Variants in EYS observed in about 807,000 individuals in gnomAD.
EYS encodes the protein EGF-like photoreceptor maintenance factor, also known as protein eyes shut homolog.
EYS carries 250 observed loss-of-function variants against 282.1 expected under a neutral mutation model. That is an observed-to-expected ratio of 0.89 (90% CI 0.80 to 0.98). The LOEUF is 0.98. EYS is among the 50% of genes least tolerant of loss of function. The pLI, the probability that EYS is intolerant of heterozygous loss-of-function variation, is 0.00. For synonymous variants in EYS, 1,355 were observed against 1,282.9 expected (o/e 1.06, Z -1.20); for missense variants, 4,016 against 3,709.0 (o/e 1.08, Z -2.15).
intron 12 of EYS, among the ~76,000 whole-genome samples, chr6:65,285,089 C>T (rs527704984): frequency 6.6e-6 from 1 of 151,822 alleles, no homozygotes; most frequent in African/African-American, 2.4e-5. Flanking sequence ...GTAATGGAAG[C>T]TTTCAAAGTG....
Position 64,614,854 on chromosome 6 carries a change from G to A in EYS, c.3684+2564C>T, listed in dbSNP as rs976341401. ...GTTCAAAATACCATTTCTACTGAAC[G>A]TATGTCACTCTCGTACAATCATAAA... On this transcript the variant is annotated intron_variant, in intron 24 of 42. Transcript: ENST00000503581. Among the ~76,000 whole-genome samples, 7 of 152,180 alleles carry A rather than the reference G, an allele frequency of 4.6e-5. 1 individual carries two copies. Among genetic ancestry groups the A allele is most frequent in the Admixed American group, 1.3e-4 (2 of 15,258 alleles).
At chr6:65,332,586 G>C (rs142494323) in intron 11 of EYS, among the ~76,000 whole-genome samples, 1 of 151,350 alleles carries the variant, frequency 6.6e-6, no homozygotes, top group African/African-American at 2.4e-5. Flanking sequence ...TGAAAACATA[G>C]ATTTGCCTAT....
rs534026251 is a variant in EYS at position 65,494,219 on chromosome 6, CA to C, written c.748+443del. 7.2e-4 allele frequency among the ~76,000 whole-genome samples: 109 copies of C among 151,918 alleles called. 2 individuals are homozygous for C. Among genetic ancestry groups the C allele is most frequent in the African/African-American group, 2.6e-3 (108 of 41,504 alleles). On this transcript the variant is annotated intron_variant, in intron 4 of 42. Coordinates refer to ENST00000503581, the MANE Select transcript of EYS (RefSeq NM_001142800.2). The stretch of plus-strand genomic sequence containing the variant: ...TATATGTCCAGAATCTATATCCAGC[CA>C]AATCCAAGGAATCTATTAAATTTTT...
rs1226484233 is a variant in EYS at position 64,303,757 on chromosome 6, C to T, written c.6191+3213G>A. On this transcript the variant is annotated intron_variant, in intron 30 of 42. Transcript: ENST00000503581. Reference sequence around the variant, plus strand: ...ACGGGAGGCTGAGGCAGGAGAATGGCGTGAACCCGGGAGGCGGAGCTTGCA... The same window carrying T: ...ACGGGAGGCTGAGGCAGGAGAATGGTGTGAACCCGGGAGGCGGAGCTTGCA... Among the ~76,000 whole-genome samples, 10 of 143,110 alleles carry T rather than the reference C, an allele frequency of 7.0e-5. 1 individual carries two copies. In the South Asian group the frequency reaches 9.5e-4, roughly 14 times the overall value. The allele number at this position is 143,110 out of a possible 152,430, so 93.9% of individuals were successfully genotyped here.
At chr6:64,492,249 A>C (rs887922181) in intron 26 of EYS, among the ~76,000 whole-genome samples, 11 of 151,258 alleles carry the variant, frequency 7.3e-5, no homozygotes, top group African/African-American at 2.2e-4. Flanking sequence ...AAATAGGATC[A>C]ATGTCTGAAG....
At chr6:65,582,121 A>G (rs354354) in intron 2 of EYS, among the ~76,000 whole-genome samples, 41,515 of 151,320 alleles carry the variant, frequency 0.27, 5,985 homozygotes, top group Middle Eastern at 0.41. Context: ...GCTTGAACCC[A>G]GGAGGCGGAG....
chr6:65,162,909 GTT>G (rs146458293), intron 12 of EYS, among the ~76,000 whole-genome samples: 27 of 75,358 alleles, frequency 3.6e-4, no homozygotes, highest in Non-Finnish European at 6.7e-4. Flanking sequence ...CTCCTGTTCT[GTT>G]TGTGTGTGTG....
intron 5 of EYS, among the ~76,000 whole-genome samples, chr6:65,469,106 G>T (rs191138356): frequency 1.3e-5 from 2 of 151,902 alleles, no homozygotes; most frequent in African/African-American, 2.4e-5. Context: ...TTCAGTATAA[G>T]TATTTCCCAT....
chr6:64,974,581 A>G (rs572009910), intron 14 of EYS, among the ~76,000 whole-genome samples: 1 of 151,954 alleles, frequency 6.6e-6, no homozygotes, highest in East Asian at 1.9e-4. Context: ...CAAATGTCAA[A>G]AATTTGGGGG....
At chr6:64,917,309 GACTAAGCATTCT>G (rs1247493253) in intron 15 of EYS, among the ~76,000 whole-genome samples, 1 of 150,958 alleles carries the variant, frequency 6.6e-6, no homozygotes, top group Admixed American at 6.6e-5. Context: ...AATTTCTAAT[GACTAAGCATTCT>G]ATATGTTTAC....
chr6:64,422,318 G>A (rs1774263303), intron 28 of EYS, among the ~76,000 whole-genome samples: 1 of 152,212 alleles, frequency 6.6e-6, no homozygotes, highest in African/African-American at 2.4e-5. Flanking sequence ...TAAGTGTGGG[G>A]CATCTGTGCA....
intron 31 of EYS, among the ~76,000 whole-genome samples, chr6:64,148,560 T>C (rs921399720): frequency 6.6e-6 from 1 of 152,160 alleles, no homozygotes; most frequent in Non-Finnish European, 1.5e-5. Context: ...ATCAATCAAA[T>C]ATTCCATCAA....
At chr6:65,670,499 T>C (rs1253532745) in intron 1 of EYS, among the ~76,000 whole-genome samples, 1 of 152,116 alleles carries the variant, frequency 6.6e-6, no homozygotes, top group African/African-American at 2.4e-5. Flanking sequence ...GCCAGGACCA[T>C]GACTGATACA....
At chr6:65,456,356 G>C (rs1033753356) in intron 5 of EYS, among the ~76,000 whole-genome samples, 1 of 151,594 alleles carries the variant, frequency 6.6e-6, no homozygotes, top group Non-Finnish European at 1.5e-5. Context: ...AGGCTGAGGC[G>C]GGAGAACCAC....
rs561195469 is a variant in EYS, at chr6:63,956,749, T to C, written c.7055+27634A>G. On this transcript the variant is annotated intron_variant, in intron 35 of 42. Coordinates refer to ENST00000503581, the MANE Select transcript of EYS (RefSeq NM_001142800.2). ...CTGCAAAACTTGCCTTGTCTGCAAG[T>C]TTAACACGTATTTCCCACACATACT... is the stretch of plus-strand genomic sequence containing the variant. Among the ~76,000 whole-genome samples, 10 of 152,330 alleles carry C rather than the reference T, an allele frequency of 6.6e-5. No individual in the cohort carries two copies. The South Asian group carries it at 2.1e-3, about 32-fold the overall frequency.
intron 35 of EYS, among the ~76,000 whole-genome samples, chr6:63,952,210 A>G (rs2149766753): frequency 6.6e-6 from 1 of 152,368 alleles, no homozygotes; most frequent in Middle Eastern, 3.4e-3. Flanking sequence ...TGGGCCAAGG[A>G]ATGCCCACAG....
Position 64,603,861 on chromosome 6 carries a change from C to CTGTGTGTGTGTGTGTG in EYS, c.3685-10568_3685-10553dup, listed in dbSNP as rs34430318. 7.7e-4 allele frequency among the ~76,000 whole-genome samples: 114 copies of CTGTGTGTGTGTGTGTG among 148,282 alleles called. 1 individual carries two copies. The highest frequency in any genetic ancestry group is 2.7e-3 in the African/African-American group (108 of 40,702). On this transcript the variant is annotated intron_variant, in intron 24 of 42. Transcript: ENST00000503581. ...GTATACTACTAAAGTAAATGAATAC[C>CTGTGTGTGTGTGTGTG]TGTGTGTGTGTGTGTGTGTGTGTGT...
chr6:64,823,289 T>A (rs1764953282), intron 19 of EYS, among the ~76,000 whole-genome samples: 1 of 151,826 alleles, frequency 6.6e-6, no homozygotes, highest in African/African-American at 2.4e-5. Context: ...GCTAAATACC[T>A]GGGATTTTCA....
rs189273349 is a variant in EYS at position 64,186,088 on chromosome 6, G to A, written c.6424+44504C>T. Among the ~76,000 whole-genome samples, 223 of 152,190 alleles carry A rather than the reference G, an allele frequency of 1.5e-3. 1 individual carries two copies. Among genetic ancestry groups the A allele is most frequent in the Middle Eastern group, 3.4e-3 (1 of 294 alleles). ...AGCAAAGTAGATGTTGGGTTATTACGAAGAAGAGCACACAAGGCCCTTGTA... is the reference window on the plus strand; with the variant it reads ...AGCAAAGTAGATGTTGGGTTATTACAAAGAAGAGCACACAAGGCCCTTGTA... On this transcript the variant is annotated intron_variant, in intron 31 of 42. Transcript: ENST00000503581.
Sources: gnomAD v4.1 joint callset for allele counts (sites outside exome capture counted in the v4.1 genomes callset) on GRCh38, gnomAD v4.1.1 for gene constraint, MANE v1.5 for transcripts, NCBI Gene and HGNC (gene_info 2026-07-23, HGNC 2026-07-21) for gene names.